Variants in RHOH observed in about 807,000 individuals in gnomAD.
RHOH encodes ras homolog family member H, also known as rho-related GTP-binding protein RhoH.
In RHOH, 6 loss-of-function variants were observed where a neutral mutation model predicts 13.8. The observed-to-expected ratio is 0.44, with a 90% confidence interval of 0.24 to 0.86. The LOEUF (loss-of-function observed/expected upper bound fraction) is 0.86, where lower values mean the gene tolerates loss of function less well. Ranked by LOEUF, RHOH falls within the 40% of genes least tolerant of loss-of-function variation. RHOH has a pLI of 0.24. For synonymous variants in RHOH, 117 were observed against 103.0 expected (o/e 1.14, Z -0.82); for missense variants, 147 against 244.5 (o/e 0.60, Z 2.66).
intron 1 of RHOH, among the ~76,000 whole-genome samples, chr4:40,198,977 C>T (rs1723597939): frequency 1.3e-5 from 2 of 152,198 alleles, no homozygotes; most frequent in East Asian, 1.9e-4. Context: ...AACAAACATA[C>T]AGCACGGTGA....
chr4:40,196,598 A>G (rs1233908962), upstream of RHOH, among the ~76,000 whole-genome samples: 1 of 152,096 alleles, frequency 6.6e-6, no homozygotes, highest in African/African-American at 2.4e-5. Flanking sequence ...CGAAGCAGAC[A>G]ATCCACCTCT....
upstream of RHOH, among the ~76,000 whole-genome samples, chr4:40,192,235 CA>C (rs1436713613): frequency 6.6e-6 from 1 of 152,130 alleles, no homozygotes; most frequent in Admixed American, 6.6e-5. Flanking sequence ...GTTTGAAATT[CA>C]AAGCCTTCAG....
chr4:40,231,482 GGC>G (rs1246106562), intron 1 of RHOH, among the ~76,000 whole-genome samples: 4 of 152,090 alleles, frequency 2.6e-5, no homozygotes, highest in African/African-American at 9.7e-5. Flanking sequence ...GGCAGCCTGT[GGC>G]TCTCCTGAAA....
chr4:40,203,958 A>C (rs1724336146), intron 1 of RHOH, among the ~76,000 whole-genome samples: 1 of 152,252 alleles, frequency 6.6e-6, no homozygotes, highest in Non-Finnish European at 1.5e-5. Context: ...TTACTGTATG[A>C]TAACATTATG....
intron 1 of RHOH, among the ~76,000 whole-genome samples, chr4:40,199,916 A>T (rs1723737933): frequency 6.6e-6 from 1 of 152,178 alleles, no homozygotes; most frequent in Admixed American, 6.5e-5. Flanking sequence ...ATGCAAATCC[A>T]CCTGGCATGT....
In RHOH at chr4:40,243,422, C is replaced by T. The variant is rs1260969669; in HGVS notation, c.36C>T (p.Asp12=). Reference sequence around the variant, plus strand: ...CCATCAAGTGCGTGTTGGTGGGCGACTCTGCTGTGGGGAAAACCTCTCTGT... The same window carrying T: ...CCATCAAGTGCGTGTTGGTGGGCGATTCTGCTGTGGGGAAAACCTCTCTGT... ...LSSIKCVLVG[D]SAVGKTSLLV... Residue 12 remains aspartate (D), a synonymous_variant, in exon 3 of 3, where the codon GAC becomes GAT. Coordinates refer to ENST00000381799, the MANE Select transcript of RHOH (RefSeq NM_004310.5). This position sits in a 1 kb window ranked among gnomAD's most constrained non-coding sequence, Gnocchi z 6.2. The T allele has an allele frequency of 6.2e-7, 1 of 1,607,812 alleles. No individual in the cohort carries two copies. Among genetic ancestry groups the T allele is most frequent in the Non-Finnish European group, 8.5e-7 (1 of 1,176,290 alleles).
chr4:40,197,617 A>T (rs1723364520), intron 1 of RHOH, among the ~76,000 whole-genome samples: 1 of 152,294 alleles, frequency 6.6e-6, no homozygotes, highest in East Asian at 1.9e-4. Flanking sequence ...TTTAAATACT[A>T]CCCAAGGTTT....
In RHOH at chr4:40,225,719, G is replaced by A. The variant is rs550803985; in HGVS notation, c.-330-16995G>A. On this transcript the variant is annotated intron_variant, in intron 1 of 2. Coordinates refer to ENST00000381799, the MANE Select transcript of RHOH (RefSeq NM_004310.5). Reference sequence around the variant, plus strand: ...GGAAATCACCCACCAGCAGAAAAATGTATTTCCGGCCTTTCTTCCTCACCC... The same window carrying A: ...GGAAATCACCCACCAGCAGAAAAATATATTTCCGGCCTTTCTTCCTCACCC... 3.3e-5 allele frequency among the ~76,000 whole-genome samples: 5 copies of A among 152,296 alleles called. No homozygotes were observed. In the South Asian group the frequency reaches 1.0e-3, roughly 32 times the overall value.
intron 1 of RHOH, among the ~76,000 whole-genome samples, chr4:40,232,604 T>C (rs6837475): frequency 0.63 from 95,300 of 151,340 alleles, 30,955 homozygotes; most frequent in Non-Finnish European, 0.7. Context: ...GACTGTTAAC[T>C]GATTTTAACT....
At chr4:40,234,744 C>CTTTTTTTT (rs549802852) in intron 1 of RHOH, among the ~76,000 whole-genome samples, 3 of 101,066 alleles carry the variant, frequency 3.0e-5, no homozygotes, top group Admixed American at 1.2e-4. Flanking sequence ...AAATCAGCAT[C>CTTTTTTTT]TTTTTTTTTT....
At chr4:40,230,328 G>T (rs960164292) in intron 1 of RHOH, among the ~76,000 whole-genome samples, 1 of 151,812 alleles carries the variant, frequency 6.6e-6, no homozygotes, top group African/African-American at 2.4e-5. Context: ...GTGAGTCATG[G>T]CACCCGGCCT....
chr4:40,202,243 C>T (rs1206547974), intron 1 of RHOH, among the ~76,000 whole-genome samples: 1 of 151,970 alleles, frequency 6.6e-6, no homozygotes, highest in Non-Finnish European at 1.5e-5. Flanking sequence ...CTGCGCACAG[C>T]CCATGGGTTC....
intron 1 of RHOH, among the ~76,000 whole-genome samples, chr4:40,231,935 C>A (rs936459009): frequency 6.6e-6 from 1 of 152,224 alleles, no homozygotes; most frequent in Non-Finnish European, 1.5e-5. Context: ...TCTCTTTCTT[C>A]TCTGTGCATC....
Position 40,243,467 on chromosome 4 carries a change from GA to G in RHOH, c.82del (p.Thr28ProfsTer53), listed in dbSNP as rs749810173. On this transcript the variant is annotated frameshift_variant, in exon 3 of 3. Transcript: ENST00000381799. LOFTEE classifies it high-confidence loss of function. This position sits in a 1 kb window ranked among gnomAD's most constrained non-coding sequence, Gnocchi z 6.2. ...CTCTGTTGGTGCGCTTCACCTCCGA[GA>G]CCTTCCCGGAGGCCTACAAGCCCAC... ...TSLLVRFTSETFPEAYKPTVY... is the reference protein window; with the variant it reads ...TSLLVRFTSEXFPEAYKPTVY... 6.2e-7 allele frequency: 1 copy of G among 1,613,984 alleles called. No individual in the cohort carries two copies. Among genetic ancestry groups the G allele is most frequent in the Non-Finnish European group, 8.5e-7 (1 of 1,179,962 alleles).
chr4:40,216,136 ATT>A (rs35028517), intron 1 of RHOH, among the ~76,000 whole-genome samples: 12 of 132,528 alleles, frequency 9.1e-5, no homozygotes, highest in Non-Finnish European at 8.1e-5. Flanking sequence ...GACAGTTGCT[ATT>A]TTTTTTTTTT....
chr4:40,200,065 G>A (rs1723760922), intron 1 of RHOH, among the ~76,000 whole-genome samples: 1 of 152,156 alleles, frequency 6.6e-6, no homozygotes, highest in Admixed American at 6.5e-5. Context: ...GCACAAGTCA[G>A]GATGGGGTGC....
intron 1 of RHOH, 60 bp downstream of exon 1, chr4:40,197,360 T>C (rs2109340046): frequency 6.6e-6 from 1 of 152,294 alleles, no homozygotes; most frequent in Non-Finnish European, 1.5e-5. Flanking sequence ...TTTCTAATTT[T>C]ATTTAGCTTT....
At chr4:40,216,509 T>C (rs867673123) in intron 1 of RHOH, among the ~76,000 whole-genome samples, 9 of 152,076 alleles carry the variant, frequency 5.9e-5, no homozygotes, top group Non-Finnish European at 1.3e-4. Context: ...ATAAGGACTT[T>C]TGACAAAAAT....
chr4:40,233,526 C>T (rs1253331522), intron 1 of RHOH, among the ~76,000 whole-genome samples: 1 of 152,192 alleles, frequency 6.6e-6, no homozygotes, highest in Non-Finnish European at 1.5e-5. Flanking sequence ...CCCAGGTCTA[C>T]ATGCCCCTTC....
Sources: gnomAD v4.1 joint callset for allele counts (sites outside exome capture counted in the v4.1 genomes callset) on GRCh38, gnomAD v4.1.1 for gene constraint, Gnocchi (gnomAD v3.1) non-coding constraint, MANE v1.5 for transcripts, NCBI Gene and HGNC (gene_info 2026-07-23, HGNC 2026-07-21) for gene names.